The following HECW1 variants were observed in gnomAD, a reference collection of about 807,000 sequenced individuals.
HECW1 encodes the protein E3 ubiquitin-protein ligase HECW1.
A neutral mutation model predicts 182.3 loss-of-function variants in HECW1; 61 were observed. The observed-to-expected ratio is 0.33, with a 90% confidence interval of 0.27 to 0.41. HECW1 has a LOEUF of 0.41. HECW1 is among the 10% of genes least tolerant of loss of function. The pLI is 1.00. For missense variants in HECW1, 1,739 were observed against 2,108.9 expected, an observed-to-expected ratio of 0.82 and a Z score of 3.44; for synonymous variants, 859 against 832.6, an observed-to-expected ratio of 1.03 and a Z score of -0.55.
chr7:43,190,259 G>T (rs745944700), intron 2 of HECW1, among the ~76,000 whole-genome samples: 1 of 152,148 alleles, frequency 6.6e-6, no homozygotes, highest in East Asian at 1.9e-4. Flanking sequence ...GATTACAGGC[G>T]TGTACCACCA....
chr7:43,140,589 G>T (rs556720467), intron 2 of HECW1, among the ~76,000 whole-genome samples: 2 of 152,054 alleles, frequency 1.3e-5, no homozygotes, highest in Non-Finnish European at 2.9e-5. Flanking sequence ...TCTAAATGGC[G>T]TCCCAAAAGA....
At chr7:43,471,550 A>T (rs1272041472) in intron 16 of HECW1, among the ~76,000 whole-genome samples, 2 of 152,256 alleles carry the variant, frequency 1.3e-5, no homozygotes, top group African/African-American at 4.8e-5. Flanking sequence ...TAAGCAGCTC[A>T]GAGCTCTGCT....
intron 2 of HECW1, among the ~76,000 whole-genome samples, chr7:43,115,367 T>G (rs1191254436): frequency 2.0e-5 from 3 of 151,586 alleles, no homozygotes; most frequent in Non-Finnish European, 4.4e-5. Context: ...AGAAGAAGAT[T>G]GAATTAATTG....
intron 5 of HECW1, among the ~76,000 whole-genome samples, chr7:43,356,673 G>T (rs1815178492): frequency 6.6e-6 from 1 of 152,090 alleles, no homozygotes; most frequent in Admixed American, 6.5e-5. Flanking sequence ...ATTCAAAAAA[G>T]TAGAAATCTT....
intron 8 of HECW1, among the ~76,000 whole-genome samples, chr7:43,417,989 G>T (rs564026517): frequency 6.6e-6 from 1 of 152,268 alleles, no homozygotes; most frequent in African/African-American, 2.4e-5. Context: ...CCAAAATGAA[G>T]GTGTGGGCAG....
intron 8 of HECW1, among the ~76,000 whole-genome samples, chr7:43,427,921 G>C (rs773779292): frequency 6.6e-6 from 1 of 152,086 alleles, no homozygotes. Flanking sequence ...GTTTTTAAGG[G>C]CTGATCTAAT....
chr7:43,360,877 G>C lies in HECW1; in HGVS notation c.461-9G>C. Reference sequence around the variant, plus strand: ...TACTTCTCAGTCTCATTTTTTGTTTGTCTTTCAGCTGAAACTAAGATCTGC... The same window carrying C: ...TACTTCTCAGTCTCATTTTTTGTTTCTCTTTCAGCTGAAACTAAGATCTGC... On this transcript the variant is annotated splice_polypyrimidine_tract_variant and intron_variant, in intron 5 of 29. Transcript: ENST00000395891. 1.2e-6 allele frequency: 2 copies of C among 1,611,068 alleles called. No individual in the cohort carries two copies. Among genetic ancestry groups the C allele is most frequent in the Non-Finnish European group, 1.7e-6 (2 of 1,177,366 alleles).
rs200135192 is a variant in HECW1, at chr7:43,444,619, A to G, written c.1447A>G (p.Lys483Glu). 4.5e-4 allele frequency: 731 copies of G among 1,610,568 alleles called. 6 individuals carry two copies. The East Asian group carries it at 0.014, about 30-fold the overall frequency. The change falls in exon 11 of 30, where the codon AAG (lysine) becomes GAG (glutamate). Residue 483 changes from lysine (K) to glutamate (E), a missense_variant. By Grantham distance (56) the Lys-to-Glu change is moderately conservative. This residue lies in a region of HECW1 where 971 missense variants were observed against 1,029.1 expected (regional missense o/e 0.94). Transcript: ENST00000395891. This position sits in a 1 kb window ranked among gnomAD's most constrained non-coding sequence, Gnocchi z 4.3. ...LEDGEAPAST[K>E]EEPLEEEATT... ...AGACGGTGAAGCCCCAGCCAGCACC[A>G]AGGAGGAGCCCTTGGAGGAGGAAGC...
intron 24 of HECW1, among the ~76,000 whole-genome samples, chr7:43,536,364 T>C (rs1409657470): frequency 6.6e-6 from 1 of 152,146 alleles, no homozygotes; most frequent in Non-Finnish European, 1.5e-5. Context: ...GAGAGACTCT[T>C]CCCCCTCCAC....
At chr7:43,470,678 G>GA (rs1255820511) in intron 16 of HECW1, among the ~76,000 whole-genome samples, 2 of 152,176 alleles carry the variant, frequency 1.3e-5, no homozygotes, top group East Asian at 3.8e-4. Context: ...GAAAAAATCT[G>GA]AATTTCAAAT....
chr7:43,140,717 C>T (rs540690160), intron 2 of HECW1, among the ~76,000 whole-genome samples: 1 of 152,338 alleles, frequency 6.6e-6, no homozygotes, highest in East Asian at 1.9e-4. Flanking sequence ...ATCAGCTCGG[C>T]TGCTGTAAGT....
At chr7:43,126,352 C>A (rs1281780283) in intron 2 of HECW1, among the ~76,000 whole-genome samples, 1 of 152,080 alleles carries the variant, frequency 6.6e-6, no homozygotes, top group Non-Finnish European at 1.5e-5. Flanking sequence ...ATATCATTGT[C>A]TAAAGCAAGG....
At chr7:43,481,489 A>C (rs143371060) in intron 17 of HECW1, among the ~76,000 whole-genome samples, 159 of 152,344 alleles carry the variant, frequency 1.0e-3, no homozygotes, top group African/African-American at 3.7e-3. Flanking sequence ...TACAATTACA[A>C]GAAATTAGTC....
At chr7:43,296,649 T>G (rs1806088849) in intron 3 of HECW1, among the ~76,000 whole-genome samples, 1 of 152,200 alleles carries the variant, frequency 6.6e-6, no homozygotes, top group African/African-American at 2.4e-5. Flanking sequence ...TTATGGCTCC[T>G]TTGCATCATT....
intron 3 of HECW1, among the ~76,000 whole-genome samples, chr7:43,307,444 C>T (rs1447773206): frequency 6.6e-6 from 1 of 152,076 alleles, no homozygotes; most frequent in Non-Finnish European, 1.5e-5. Context: ...CCACCCTTTG[C>T]AGAGAGGAAA....
intron 3 of HECW1, among the ~76,000 whole-genome samples, chr7:43,263,854 G>C (rs1801450643): frequency 6.6e-6 from 1 of 152,072 alleles, no homozygotes. Flanking sequence ...TTAAGTTCAT[G>C]TTTCTCCACT....
intron 7 of HECW1, among the ~76,000 whole-genome samples, chr7:43,401,574 T>G (rs936275474): frequency 6.9e-6 from 1 of 144,518 alleles, no homozygotes; most frequent in East Asian, 2.2e-4. Context: ...AAGGTTTTTT[T>G]TTTTTTTTTT....
At chr7:43,190,633 C>A (rs116258187) in intron 2 of HECW1, among the ~76,000 whole-genome samples, 354 of 152,290 alleles carry the variant, frequency 2.3e-3, no homozygotes, top group African/African-American at 8.1e-3. Flanking sequence ...TATGCTCTCT[C>A]CAAGGACCAG....
At chr7:43,126,515 C>A (rs113631805) in intron 2 of HECW1, among the ~76,000 whole-genome samples, 658 of 152,250 alleles carry the variant, frequency 4.3e-3, no homozygotes, top group Non-Finnish European at 6.9e-3. Flanking sequence ...ACCCACAAAA[C>A]CTTAAATGTT....
Sources: gnomAD v4.1 joint callset for allele counts (sites outside exome capture counted in the v4.1 genomes callset) on GRCh38, gnomAD v4.1.1 for gene constraint, gnomAD v4.1.1 regional missense constraint, Gnocchi (gnomAD v3.1) non-coding constraint, MANE v1.5 for transcripts, NCBI Gene and HGNC (gene_info 2026-07-23, HGNC 2026-07-21) for gene names.